Variants in EFHC1 observed in about 807,000 individuals in gnomAD.
EFHC1 encodes the protein EF-hand domain-containing protein 1.
In EFHC1, 53 loss-of-function variants were observed where a neutral mutation model predicts 69.9. The observed-to-expected ratio is 0.76, with a 90% confidence interval of 0.61 to 0.95. The LOEUF (loss-of-function observed/expected upper bound fraction) is 0.95. EFHC1 is among the 40% of genes least tolerant of loss of function. The pLI is 0.00. For missense variants in EFHC1, 739 were observed against 798.7 expected (o/e 0.93, Z 0.90); for synonymous variants, 256 against 278.4 (o/e 0.92, Z 0.80).
At chr6:52,436,471 T>A (rs1046073102) in intron 2 of EFHC1, among the ~76,000 whole-genome samples, 4 of 152,176 alleles carry the variant, frequency 2.6e-5, no homozygotes, top group Admixed American at 6.5e-5. Flanking sequence ...TCTTCTTGAT[T>A]TGTTCCTCTT....
At chr6:52,453,117 G>T (rs1328463407) in intron 4 of EFHC1, 1 of 1,426,222 alleles carries the variant, frequency 7.0e-7, no homozygotes, top group East Asian at 3.3e-5. Context: ...AGCTACATCT[G>T]CTTCCCACCT....
chr6:52,490,077 C>A, intron 9 of EFHC1, 63 bp from the exon 10 acceptor site: 1 of 1,481,230 alleles, frequency 6.8e-7, no homozygotes, highest in Non-Finnish European at 9.3e-7. Flanking sequence ...GAACTTTGGT[C>A]ACCGAGATGA....
intron 3 of EFHC1, among the ~76,000 whole-genome samples, chr6:52,445,365 C>T (rs923527312): frequency 1.3e-4 from 20 of 151,238 alleles, no homozygotes; most frequent in Admixed American, 1.3e-4. Context: ...TAGTTACATA[C>T]GTATACATGT....
Position 52,464,957 on chromosome 6 carries a change from A to G in EFHC1, c.979A>G (p.Lys327Glu), listed in dbSNP as rs149256861. 3.1e-6 allele frequency: 5 copies of G among 1,614,022 alleles called. No individual in the cohort carries two copies. The highest frequency in any genetic ancestry group is 3.4e-6 in the Non-Finnish European group (4 of 1,180,014). ...AGAAGTGTTGGAATGGTATACTGCT[A>G]AAGACTTCATTGTTGGGAAGTCACT... ...DQEVLEWYTA[K>E]DFIVGKSLTI... Residue 327 changes from lysine (K) to glutamate (E), a missense_variant, in exon 6 of 11, where the codon AAA becomes GAA. Physicochemically the swap from Lys to Glu is moderately conservative, Grantham distance 56. Coordinates refer to ENST00000371068, the MANE Select transcript of EFHC1 (RefSeq NM_018100.4).
At position 52,495,872 on chromosome 6, in the gene EFHC1, TAA is replaced by T. The variant is rs1322713657; in HGVS notation, c.*3534_*3535del. The T allele has an allele frequency of 6.4e-6, 2 of 314,312 alleles. No individual in the cohort carries two copies. Among genetic ancestry groups the T allele is most frequent in the Admixed American group, 4.2e-5 (1 of 23,562 alleles). The allele number at this position is 314,312 out of a possible 1,614,324, so 19.5% of individuals were successfully genotyped here. Reference sequence around the variant, plus strand: ...GATCTGACAGCACCAACACAAGGTATAAAAGAGATTTCATGAAAGACCAAAGC... The same window carrying T: ...GATCTGACAGCACCAACACAAGGTATAAGAGATTTCATGAAAGACCAAAGC... On this transcript the variant is annotated 3_prime_UTR_variant, in exon 11 of 11. Coordinates refer to ENST00000371068, the MANE Select transcript of EFHC1 (RefSeq NM_018100.4).
At chr6:52,461,539 G>A (rs552330644) in intron 5 of EFHC1, among the ~76,000 whole-genome samples, 38 of 152,104 alleles carry the variant, frequency 2.5e-4, no homozygotes, top group African/African-American at 7.0e-4. Context: ...ATACACTTGC[G>A]TTTCTTTATG....
chr6:52,494,220 G>C lies in EFHC1; in HGVS notation c.*1879G>C, dbSNP rs1207824105. On this transcript the variant is annotated 3_prime_UTR_variant, in exon 11 of 11. Transcript: ENST00000371068. ...CATTGTAAAGTAGGCAAATAAGTTG[G>C]ACCATTGAAAGTTGGGGACTATCTG... 6.6e-6 allele frequency: 3 copies of C among 454,104 alleles called. No individual in the cohort carries two copies. Among genetic ancestry groups the C allele is most frequent in the South Asian group, 4.7e-5 (3 of 64,476 alleles). 28.1% of individuals were successfully genotyped at this position (454,104 alleles called of 1,614,324 possible).
In EFHC1 at chr6:52,445,982, A is replaced by G. The variant is rs187744947; in HGVS notation, c.574-6706A>G. 3.3e-5 allele frequency among the ~76,000 whole-genome samples: 5 copies of G among 152,280 alleles called. No homozygotes were observed. In the East Asian group the frequency reaches 7.7e-4, roughly 24 times the overall value. Reference sequence around the variant, plus strand: ...GCTGAGGAGTGCTTTACTTCCAACTATGTGGTCAATTTTGGAATAAGTGCG... The same window carrying G: ...GCTGAGGAGTGCTTTACTTCCAACTGTGTGGTCAATTTTGGAATAAGTGCG... On this transcript the variant is annotated intron_variant, in intron 3 of 10. Coordinates refer to ENST00000371068, the MANE Select transcript of EFHC1 (RefSeq NM_018100.4).
At chr6:52,434,271 G>A (rs577363899) in intron 2 of EFHC1, among the ~76,000 whole-genome samples, 8 of 152,164 alleles carry the variant, frequency 5.3e-5, no homozygotes, top group Non-Finnish European at 1.2e-4. Flanking sequence ...TTTTCCCAGT[G>A]CCTCTGGCTG....
intron 7 of EFHC1, among the ~76,000 whole-genome samples, chr6:52,475,433 A>G (rs1025156202): frequency 6.6e-6 from 1 of 152,236 alleles, no homozygotes; most frequent in Non-Finnish European, 1.5e-5. Flanking sequence ...ATTGGTGCCT[A>G]AGTAAAAATA....
intron 2 of EFHC1, among the ~76,000 whole-genome samples, chr6:52,433,233 T>G (rs537072355): frequency 5.9e-5 from 9 of 152,294 alleles, no homozygotes; most frequent in African/African-American, 9.6e-5. Context: ...GTGTGATTTT[T>G]GGGGGCATTA....
intron 2 of EFHC1, among the ~76,000 whole-genome samples, chr6:52,426,446 T>C (rs1209714471): frequency 6.6e-6 from 1 of 152,170 alleles, no homozygotes; most frequent in Non-Finnish European, 1.5e-5. Flanking sequence ...AATTCTTAAC[T>C]TACAAGTATT....
chr6:52,443,598 A>G (rs1764713595), intron 3 of EFHC1, among the ~76,000 whole-genome samples: 1 of 152,178 alleles, frequency 6.6e-6, no homozygotes, highest in Non-Finnish European at 1.5e-5. Context: ...AGATGGTTGT[A>G]GATGTGTGGT....
In EFHC1 at chr6:52,490,316, T is replaced by G; in HGVS notation, c.1817T>G (p.Leu606Arg). Residue 606 changes from leucine to arginine, a missense_variant, in exon 10 of 11, where the codon CTT becomes CGT. By Grantham distance (102) the Leu-to-Arg change is moderately radical. Coordinates refer to ENST00000371068, the MANE Select transcript of EFHC1 (RefSeq NM_018100.4). ...ATGTTCTTTAAAATCTGTGAATCGCTTAACGTCCCAGTGGATGACTCCTTG... is the reference window on the plus strand; with the variant it reads ...ATGTTCTTTAAAATCTGTGAATCGCGTAACGTCCCAGTGGATGACTCCTTG... ...RDMFFKICES[L>R]NVPVDDSLVK... 2 of 1,614,178 alleles carry G rather than the reference T, an allele frequency of 1.2e-6. No homozygotes were observed. The highest frequency in any genetic ancestry group is 2.2e-5 in the South Asian group (2 of 91,086).
At chr6:52,437,623 C>G (rs1764561422) in intron 2 of EFHC1, 3 of 152,330 alleles carry the variant, frequency 2.0e-5, no homozygotes, top group Non-Finnish European at 4.4e-5. Flanking sequence ...TGAGGGCTCT[C>G]TTCCTGGCTT....
chr6:52,423,680 T>TTA, intron 1 of EFHC1: 11 of 428,446 alleles, frequency 2.6e-5, no homozygotes, highest in Middle Eastern at 6.6e-4. Context: ...TTTTTTTTTT[T>TTA]TTTTAGTTTT....
At chr6:52,450,922 C>T in intron 3 of EFHC1, among the ~76,000 whole-genome samples, 1 of 152,104 alleles carries the variant, frequency 6.6e-6, no homozygotes, top group East Asian at 1.9e-4. Context: ...CCTCAGCCTC[C>T]CGAGTAGCTG....
At chr6:52,422,077 G>A (rs1168308412) in intron 1 of EFHC1, among the ~76,000 whole-genome samples, 1 of 152,184 alleles carries the variant, frequency 6.6e-6, no homozygotes, top group Non-Finnish European at 1.5e-5. Context: ...ATGTATTAAT[G>A]TAATTCTAAA....
At chr6:52,457,952 A>T (rs941852300) in intron 5 of EFHC1, among the ~76,000 whole-genome samples, 3 of 152,224 alleles carry the variant, frequency 2.0e-5, no homozygotes, top group African/African-American at 7.2e-5. Flanking sequence ...GGCAATGGAG[A>T]TCTGAAACTA....
Sources: allele counts gnomAD v4.1 joint callset (sites outside exome capture counted in the v4.1 genomes callset), GRCh38; gene constraint gnomAD v4.1.1; transcripts MANE v1.5; gene names NCBI Gene and HGNC (gene_info 2026-07-23, HGNC 2026-07-21).